Variants in COL4A2 observed in about 807,000 individuals in gnomAD.
The protein encoded by COL4A2 is collagen alpha-2(IV) chain.
In COL4A2, 99 loss-of-function variants were observed where a neutral mutation model predicts 200.2. The ratio of observed to expected loss-of-function variants is 0.49; its 90% CI spans 0.42 to 0.58. The LOEUF is 0.58. COL4A2 is among the 20% of genes least tolerant of loss of function. COL4A2 has a pLI of 0.00. For missense variants in COL4A2, 1,950 were observed against 2,314.1 expected (o/e 0.84, Z 3.23); for synonymous variants, 897 against 900.6 (o/e 1.00, Z 0.07).
At chr13:110,379,791 C>G (rs1425629901) in intron 4 of COL4A2, among the ~76,000 whole-genome samples, 1 of 152,172 alleles carries the variant, frequency 6.6e-6, no homozygotes, top group Non-Finnish European at 1.5e-5. Flanking sequence ...CTGTGCACCC[C>G]TAACACATGA....
At chr13:110,352,058 A>G (rs1010676526) in intron 3 of COL4A2, among the ~76,000 whole-genome samples, 1 of 152,040 alleles carries the variant, frequency 6.6e-6, no homozygotes, top group African/African-American at 2.4e-5. Flanking sequence ...GCTTCGAGTC[A>G]CTCCAACTCA....
chr13:110,494,653 G>A (rs563902747), intron 39 of COL4A2, among the ~76,000 whole-genome samples: 5 of 151,280 alleles, frequency 3.3e-5, no homozygotes, highest in South Asian at 2.1e-4. Flanking sequence ...GCAGTGAGCC[G>A]AGATCGCGCC....
intron 10 of COL4A2, chr13:110,430,965 G>C: frequency 2.1e-6 from 1 of 466,012 alleles, no homozygotes; most frequent in Non-Finnish European, 4.2e-6. Flanking sequence ...AGGAAATGGA[G>C]GTCTGCCTGT....
At chr13:110,308,249 C>G in intron 3 of COL4A2, 126 bp downstream of exon 3, 1 of 1,063,210 alleles carries the variant, frequency 9.4e-7, no homozygotes, top group Non-Finnish European at 1.4e-6. Flanking sequence ...GTTCGCCAGG[C>G]TGCCCACCAA....
intron 29 of COL4A2, 31 bp downstream of exon 29, chr13:110,473,181 C>T (rs1423471231): frequency 2.6e-6 from 4 of 1,545,700 alleles, no homozygotes; most frequent in Non-Finnish European, 3.5e-6. Context: ...CCGGGGGCCC[C>T]ATCCCAGATG....
intron 3 of COL4A2, among the ~76,000 whole-genome samples, chr13:110,337,415 A>G (rs914098625): frequency 2.5e-4 from 38 of 152,260 alleles, no homozygotes; most frequent in African/African-American, 8.9e-4. Context: ...GGTCCCAGCA[A>G]GCGTTCCAGC....
rs567497807 is a variant in COL4A2 at position 110,501,454 on chromosome 13, G to A, written c.3761-214G>A. Among the ~76,000 whole-genome samples the A allele has an allele frequency of 2.8e-3, 426 of 152,230 alleles. 2 individuals carry two copies. The highest frequency in any genetic ancestry group is 9.3e-3 in the African/African-American group (385 of 41,542). ...CTCCTCACAGGAGAAAGGCTGGGGT[G>A]GGGGAGGGGTTCACATAGCCCCTGC... On this transcript the variant is annotated intron_variant, in intron 40 of 47. Transcript: ENST00000360467.
intron 3 of COL4A2, among the ~76,000 whole-genome samples, chr13:110,333,617 T>C (rs932230277): frequency 1.3e-5 from 2 of 152,228 alleles, no homozygotes; most frequent in Non-Finnish European, 2.9e-5. Flanking sequence ...TACGACCTAC[T>C]GCACCTGAGA....
Position 110,405,564 on chromosome 13 carries a change from G to A in COL4A2, c.181-19170G>A, listed in dbSNP as rs995657250. Among the ~76,000 whole-genome samples the A allele has an allele frequency of 3.3e-5, 5 of 152,370 alleles. No individual in the cohort carries two copies. In the South Asian group the frequency reaches 8.3e-4, roughly 25 times the overall value. On this transcript the variant is annotated intron_variant, in intron 4 of 47. Transcript: ENST00000360467. ...AGGGGACCTCCACGTTAGACAGGGGGAGAAGCTGGAGGACATGAATGGCCC... is the reference window on the plus strand; with the variant it reads ...AGGGGACCTCCACGTTAGACAGGGGAAGAAGCTGGAGGACATGAATGGCCC...
chr13:110,360,880 G>A (rs1174765964), intron 4 of COL4A2, among the ~76,000 whole-genome samples: 1 of 151,826 alleles, frequency 6.6e-6, no homozygotes, highest in Non-Finnish European at 1.5e-5. Context: ...ACCTCTGGGT[G>A]CTGCGTGATG....
At chr13:110,417,842 T>C (rs1015872762) in intron 4 of COL4A2, among the ~76,000 whole-genome samples, 2 of 152,068 alleles carry the variant, frequency 1.3e-5, no homozygotes, top group African/African-American at 4.8e-5. Context: ...TGAGCTAATT[T>C]AATAAAACCA....
At chr13:110,413,528 G>A (rs570193387) in intron 4 of COL4A2, among the ~76,000 whole-genome samples, 37 of 152,330 alleles carry the variant, frequency 2.4e-4, no homozygotes, top group Middle Eastern at 3.4e-3. Context: ...CTCAGGCAGC[G>A]AGGGCTGCGT....
intron 4 of COL4A2, among the ~76,000 whole-genome samples, chr13:110,417,953 G>T (rs934600814): frequency 6.6e-6 from 1 of 152,074 alleles, no homozygotes; most frequent in African/African-American, 2.4e-5. Flanking sequence ...AACTTTAGAA[G>T]AAATTGCCAA....
chr13:110,503,323 A>G, intron 42 of COL4A2, 41 bp downstream of exon 42: 2 of 1,589,748 alleles, frequency 1.3e-6, no homozygotes, highest in Non-Finnish European at 1.7e-6. Flanking sequence ...CCCTGGCCAC[A>G]GTGAGAGGAG....
At chr13:110,433,059 G>A (rs1244229788) in intron 11 of COL4A2, among the ~76,000 whole-genome samples, 2 of 152,246 alleles carry the variant, frequency 1.3e-5, no homozygotes, top group African/African-American at 4.8e-5. Context: ...GAAGCATCTA[G>A]GAACGTTTCC....
intron 3 of COL4A2, among the ~76,000 whole-genome samples, chr13:110,309,788 G>A (rs1016678436): frequency 3.9e-5 from 6 of 152,086 alleles, no homozygotes; most frequent in African/African-American, 1.4e-4. Flanking sequence ...AGGAGTTCGA[G>A]ACCACCCTGG....
At chr13:110,427,766 G>A (rs1880523537) in intron 6 of COL4A2, among the ~76,000 whole-genome samples, 1 of 152,188 alleles carries the variant, frequency 6.6e-6, no homozygotes, top group Non-Finnish European at 1.5e-5. Context: ...CAGACACTTG[G>A]CTGTGTTGCC....
chr13:110,321,225 TAC>T (rs530933085), intron 3 of COL4A2, among the ~76,000 whole-genome samples: 6,777 of 143,208 alleles, frequency 0.047, 172 homozygotes, highest in Admixed American at 0.059. Context: ...TATATATATA[TAC>T]ACACACACAC....
chr13:110,430,108 C>A, intron 8 of COL4A2, 152 bp downstream of exon 8: 1 of 804,002 alleles, frequency 1.2e-6, no homozygotes, highest in Non-Finnish European at 1.8e-6. Context: ...ATCTTACTTC[C>A]GATCAGGATG....
Sources: gnomAD v4.1 joint callset for allele counts (sites outside exome capture counted in the v4.1 genomes callset) on GRCh38, gnomAD v4.1.1 for gene constraint, MANE v1.5 for transcripts, NCBI Gene and HGNC (gene_info 2026-07-23, HGNC 2026-07-21) for gene names.